Variants in MYO18A observed in about 807,000 individuals in gnomAD.
The protein encoded by MYO18A is unconventional myosin-XVIIIa.
A neutral mutation model predicts 235.8 loss-of-function variants in MYO18A; 78 were observed. The observed-to-expected ratio is 0.33, with a 90% CI of 0.28 to 0.40. MYO18A has a LOEUF of 0.40. Ranked by LOEUF, MYO18A falls within the 10% of genes least tolerant of loss-of-function variation. The pLI, the probability that MYO18A is intolerant of heterozygous loss-of-function variation, is 1.00. For synonymous variants in MYO18A, 977 were observed against 1,077.8 expected (o/e 0.91, Z 1.83); for missense variants, 2,215 against 2,699.3 (o/e 0.82, Z 3.98).
chr17:29,114,835 T>C, intron 14 of MYO18A, 72 bp downstream of exon 14: 1 of 1,478,456 alleles, frequency 6.8e-7, no homozygotes, highest in Non-Finnish European at 9.2e-7. Context: ...GCCTTCTGCA[T>C]CCACAGATGC....
At chr17:29,090,434 G>T in intron 36 of MYO18A, 98 bp downstream of exon 36, 1 of 1,045,138 alleles carries the variant, frequency 9.6e-7, no homozygotes, top group Non-Finnish European at 1.4e-6. Flanking sequence ...ATTACTGATG[G>T]CAGAGAAAAG....
Position 29,114,117 on chromosome 17 carries a change from G to A in MYO18A, c.2512-20C>T, listed in dbSNP as rs533851557. ...GTTCTCCTGGGAAAGAAGGCCGAGC[G>A]GTAGTGAGCATGGGGGTCACATTGT... On this transcript the variant is annotated intron_variant, in intron 14 of 41. Coordinates refer to ENST00000527372, the MANE Select transcript of MYO18A (RefSeq NM_078471.4). The A allele has an allele frequency of 7.7e-6, 12 of 1,567,082 alleles. No homozygotes were observed. The African/African-American group carries it at 8.1e-5, about 11-fold the overall frequency.
At chr17:29,135,624 G>T in intron 2 of MYO18A, among the ~76,000 whole-genome samples, 1 of 152,068 alleles carries the variant, frequency 6.6e-6, no homozygotes, top group Non-Finnish European at 1.5e-5. Flanking sequence ...GTCCCATCTG[G>T]CCCAGGCTGT....
rs774420398 is a variant in MYO18A at position 29,111,385 on chromosome 17, C to A, written c.2900+39G>T. The stretch of plus-strand genomic sequence containing the variant: ...AGGGAGCCCCAAAATCAAAACAGTC[C>A]TGGGTACAGAACAGGGGCGGAGGGA... On this transcript the variant is annotated intron_variant, in intron 17 of 41. Transcript: ENST00000527372. The surrounding 1 kb of genome is among the most constrained non-coding windows in gnomAD (Gnocchi z 5.1). The A allele has an allele frequency of 6.2e-7, 1 of 1,601,482 alleles. No individual in the cohort carries two copies. The highest frequency in any genetic ancestry group is 2.2e-5 in the East Asian group (1 of 44,514).
chr17:29,105,582 A>G (rs1328329919), intron 20 of MYO18A, among the ~76,000 whole-genome samples: 1 of 152,000 alleles, frequency 6.6e-6, no homozygotes, highest in Non-Finnish European at 1.5e-5. Flanking sequence ...GTACGGGAAG[A>G]AGGAGGCTAG....
intron 40 of MYO18A, 139 bp downstream of exon 40, chr17:29,085,465 C>A: frequency 2.7e-6 from 2 of 738,564 alleles, no homozygotes; most frequent in South Asian, 3.3e-5. Context: ...AGCATGTTAG[C>A]GTTAGAGACC....
Position 29,114,976 on chromosome 17 carries a change from G to A in MYO18A, c.2442C>T (p.Tyr814=), listed in dbSNP as rs1180908622. ...GASFEELCHN[Y]TQDRLQRLFH... is the part of the protein sequence containing the mutation. ...AGAGCCTCTGCAGCCGGTCTTGGGTGTAGTTGTGGCACAGCTCCTCAAAGG... is the reference window on the plus strand; with the variant it reads ...AGAGCCTCTGCAGCCGGTCTTGGGTATAGTTGTGGCACAGCTCCTCAAAGG... Residue 814 remains tyrosine (Y), a synonymous_variant, in exon 14 of 42, where the codon TAC becomes TAT. Transcript: ENST00000527372. 1.2e-6 allele frequency: 2 copies of A among 1,614,064 alleles called. No homozygotes were observed. The highest frequency in any genetic ancestry group is 1.7e-5 in the Admixed American group (1 of 60,032).
chr17:29,139,246 C>T (rs996727110), intron 2 of MYO18A, among the ~76,000 whole-genome samples: 3 of 152,198 alleles, frequency 2.0e-5, no homozygotes, highest in Admixed American at 1.3e-4. Flanking sequence ...CTGCTGGAGG[C>T]CCCCCTTCCC....
Position 29,117,967 on chromosome 17 carries a change from A to G in MYO18A, c.2038+78T>C. 1 of 1,488,036 alleles carries G rather than the reference A, an allele frequency of 6.7e-7. No homozygotes were observed. Among genetic ancestry groups the G allele is most frequent in the Non-Finnish European group, 9.1e-7 (1 of 1,101,616 alleles). 92.2% of individuals were successfully genotyped at this position (1,488,036 alleles called of 1,614,324 possible). On this transcript the variant is annotated intron_variant, in intron 10 of 41. Coordinates refer to ENST00000527372, the MANE Select transcript of MYO18A (RefSeq NM_078471.4). The surrounding 1 kb of genome is among the most constrained non-coding windows in gnomAD (Gnocchi z 4.6). ...AACGGCTAAGTCTGTGCTGGGCAAG[A>G]ATAAACTGGGAGTGGGCAGGGTCCC...
intron 2 of MYO18A, among the ~76,000 whole-genome samples, chr17:29,160,057 A>G (rs1253877383): frequency 6.6e-6 from 1 of 152,204 alleles, no homozygotes; most frequent in Non-Finnish European, 1.5e-5. Context: ...TCATTAAAGA[A>G]GCTGCAAAAT....
intron 2 of MYO18A, among the ~76,000 whole-genome samples, chr17:29,154,121 T>TGCGCGC (rs1555539119): frequency 4.7e-5 from 7 of 149,082 alleles, no homozygotes; most frequent in South Asian, 2.1e-4. Flanking sequence ...TGTGTGTGTG[T>TGCGCGC]GCGCGCGCGT....
At chr17:29,135,036 G>T (rs1483190593) in intron 2 of MYO18A, among the ~76,000 whole-genome samples, 4 of 152,094 alleles carry the variant, frequency 2.6e-5, no homozygotes, top group Non-Finnish European at 5.9e-5. Flanking sequence ...ATCTGCCTCA[G>T]TCCAGGGAGA....
chr17:29,079,419 G>T (rs1339597441), intron 41 of MYO18A, among the ~76,000 whole-genome samples: 1 of 152,218 alleles, frequency 6.6e-6, no homozygotes, highest in African/African-American at 2.4e-5. Context: ...ACTTTGTTAC[G>T]GAGTTACTGT....
chr17:29,162,863 T>C (rs937079219), intron 2 of MYO18A, among the ~76,000 whole-genome samples: 2 of 152,150 alleles, frequency 1.3e-5, no homozygotes, highest in Admixed American at 6.5e-5. Context: ...CGGAACCTCA[T>C]CTAGCAGCTA....
At chr17:29,100,261 C>T (rs1598301038) in intron 21 of MYO18A, among the ~76,000 whole-genome samples, 1 of 152,162 alleles carries the variant, frequency 6.6e-6, no homozygotes, top group Non-Finnish European at 1.5e-5. Context: ...GTGTGAGAAG[C>T]AGCGCTGGGG....
intron 31 of MYO18A, 147 bp from the exon 32 acceptor site, chr17:29,093,574 C>T (rs370594560): frequency 3.0e-6 from 2 of 670,822 alleles, no homozygotes; most frequent in East Asian, 2.7e-5. Context: ...AACCTAAATT[C>T]CAGGTTTCTA....
chr17:29,085,050 C>T (rs377189988), intron 40 of MYO18A, among the ~76,000 whole-genome samples: 2 of 152,236 alleles, frequency 1.3e-5, no homozygotes, highest in African/African-American at 2.4e-5. Context: ...TCCCCCGCCA[C>T]GGCAAGCAGC....
chr17:29,082,273 G>T, intron 41 of MYO18A, 43 bp downstream of exon 41: 1 of 1,611,924 alleles, frequency 6.2e-7, no homozygotes, highest in South Asian at 1.1e-5. Flanking sequence ...ATTCCTTGTG[G>T]CACAAGGTGG....
Position 29,093,442 on chromosome 17 carries a change from G to T in MYO18A, c.4822-15C>A. 6.3e-7 allele frequency: 1 copy of T among 1,598,620 alleles called. No individual in the cohort carries two copies. The highest frequency in any genetic ancestry group is 1.3e-5 in the African/African-American group (1 of 74,758). On this transcript the variant is annotated splice_polypyrimidine_tract_variant and intron_variant, in intron 31 of 41. Transcript: ENST00000527372. ...ATCTGTTTTAACTGGAGTACCATGG[G>T]GACAGAGACCCGTCCGTCCCTTTAG...
Sources: gnomAD v4.1 joint callset for allele counts (sites outside exome capture counted in the v4.1 genomes callset) on GRCh38, gnomAD v4.1.1 for gene constraint, Gnocchi (gnomAD v3.1) non-coding constraint, MANE v1.5 for transcripts, NCBI Gene and HGNC (gene_info 2026-07-23, HGNC 2026-07-21) for gene names.